Variants in MYO5B observed in about 807,000 individuals in gnomAD.
MYO5B encodes unconventional myosin-Vb.
In MYO5B, 143 loss-of-function variants were observed where a neutral mutation model predicts 229.3. The observed-to-expected ratio is 0.62, with a 90% CI of 0.54 to 0.72. MYO5B has a LOEUF of 0.72. Among genes scored for constraint, MYO5B ranks in the 30% least tolerant of loss-of-function variants. The probability of loss-of-function intolerance (pLI) is 0.00; values close to 1 mark genes in which losing one functional copy is unlikely to be tolerated. For synonymous variants in MYO5B, 918 were observed against 885.2 expected (o/e 1.04, Z -0.66); for missense variants, 2,321 against 2,331.0 (o/e 1.00, Z 0.09).
At chr18:50,078,328 T>C (rs926143345) in intron 1 of MYO5B, among the ~76,000 whole-genome samples, 1 of 152,198 alleles carries the variant, frequency 6.6e-6, no homozygotes, top group African/African-American at 2.4e-5. Context: ...CATTTAGTAT[T>C]ATGACACAGC....
intron 4 of MYO5B, among the ~76,000 whole-genome samples, chr18:50,030,334 C>T (rs2026373775): frequency 6.8e-6 from 1 of 147,868 alleles, no homozygotes; most frequent in Non-Finnish European, 1.5e-5. Flanking sequence ...TCTCATTGCC[C>T]TGAGGAGTCA....
intron 14 of MYO5B, among the ~76,000 whole-genome samples, chr18:49,941,817 G>GC (rs1555645646): frequency 7.5e-6 from 1 of 132,898 alleles, no homozygotes; most frequent in Non-Finnish European, 1.6e-5. Flanking sequence ...CACAGAATTG[G>GC]AAAAAACTAC....
In MYO5B at chr18:50,192,840, A is replaced by G. The variant is rs1429460115; in HGVS notation, c.27+1927T>C. On this transcript the variant is annotated intron_variant, in intron 1 of 39. Transcript: ENST00000285039. ...AGGGACGAACTAAGTGGCTGGTATA[A>G]CTTAAAAAAGTGTCTTGAACTTGAT... Among the ~76,000 whole-genome samples, 6 of 152,254 alleles carry G rather than the reference A, an allele frequency of 3.9e-5. No individual in the cohort carries two copies. In the East Asian group the frequency reaches 1.2e-3, roughly 29 times the overall value.
At chr18:49,980,018 G>A (rs148118196) in intron 9 of MYO5B, among the ~76,000 whole-genome samples, 178 of 152,294 alleles carry the variant, frequency 1.2e-3, no homozygotes, top group Admixed American at 5.0e-3. Context: ...CAGAATCTTG[G>A]CAAGGGTTGC....
rs185314708 is a variant in MYO5B, at chr18:50,151,110, T to C, written c.27+43657A>G. On this transcript the variant is annotated intron_variant, in intron 1 of 39. Coordinates refer to ENST00000285039, the MANE Select transcript of MYO5B (RefSeq NM_001080467.3). Reference sequence around the variant, plus strand: ...GTCAAGCTTCTGGTCCTTCCCTAAATGTGGTGATGAGAGACATTGGCTTCC... The same window carrying C: ...GTCAAGCTTCTGGTCCTTCCCTAAACGTGGTGATGAGAGACATTGGCTTCC... Among the ~76,000 whole-genome samples, 40 of 152,334 alleles carry C rather than the reference T, an allele frequency of 2.6e-4. No homozygotes were observed. In the East Asian group the frequency reaches 7.1e-3, roughly 27 times the overall value.
intron 27 of MYO5B, among the ~76,000 whole-genome samples, chr18:49,866,792 A>G (rs1157556906): frequency 6.6e-6 from 1 of 152,210 alleles, no homozygotes; most frequent in African/African-American, 2.4e-5. Context: ...AGATCATGGC[A>G]CTGCAGCCTG....
At chr18:49,835,650 C>T (rs1343290355) in intron 38 of MYO5B, among the ~76,000 whole-genome samples, 3 of 152,206 alleles carry the variant, frequency 2.0e-5, no homozygotes, top group Admixed American at 2.0e-4. Context: ...CTCATGTCTC[C>T]TGTAAACCCA....
chr18:49,871,927 C>A (rs1394246609), intron 27 of MYO5B, among the ~76,000 whole-genome samples: 1 of 152,172 alleles, frequency 6.6e-6, no homozygotes, highest in Non-Finnish European at 1.5e-5. Flanking sequence ...TTTTTAGTGG[C>A]CATATTTTAA....
intron 17 of MYO5B, among the ~76,000 whole-genome samples, chr18:49,916,652 G>A (rs2025017971): frequency 6.6e-6 from 1 of 152,148 alleles, no homozygotes; most frequent in Admixed American, 6.5e-5. Context: ...CTGTGTGAAG[G>A]CAAACCGTCC....
At chr18:50,077,193 A>AAAAAAAG (rs869130750) in intron 1 of MYO5B, among the ~76,000 whole-genome samples, 2 of 134,642 alleles carry the variant, frequency 1.5e-5, no homozygotes, top group African/African-American at 5.4e-5. Flanking sequence ...AAAAAAAAAA[A>AAAAAAAG]GACAACTTAC....
chr18:49,905,474 A>G (rs16951202), intron 19 of MYO5B, among the ~76,000 whole-genome samples: 3,361 of 152,258 alleles, frequency 0.022, 113 homozygotes, highest in African/African-American at 0.077. Flanking sequence ...TGCCAGGCCT[A>G]TAACAAGTGC....
chr18:49,993,695 G>C (rs754809026), intron 5 of MYO5B, among the ~76,000 whole-genome samples: 10 of 152,102 alleles, frequency 6.6e-5, no homozygotes, highest in Non-Finnish European at 1.5e-4. Flanking sequence ...CATAGCCTTA[G>C]CCTGCAACAT....
At chr18:49,848,600 A>T (rs1172462649) in intron 32 of MYO5B, among the ~76,000 whole-genome samples, 1 of 152,144 alleles carries the variant, frequency 6.6e-6, no homozygotes, top group African/African-American at 2.4e-5. Flanking sequence ...GTGCTGTGAA[A>T]AAACAGGACT....
intron 14 of MYO5B, 65 bp downstream of exon 14, chr18:49,953,195 C>A: frequency 6.7e-7 from 1 of 1,482,910 alleles, no homozygotes; most frequent in Non-Finnish European, 9.4e-7. Context: ...GGTTGCATCA[C>A]CACTCCCTGT....
At chr18:49,910,746 G>C (rs1270193016) in intron 18 of MYO5B, among the ~76,000 whole-genome samples, 3 of 152,116 alleles carry the variant, frequency 2.0e-5, no homozygotes, top group Non-Finnish European at 4.4e-5. Context: ...AATAAAACAT[G>C]ACCTTAGATC....
intron 1 of MYO5B, among the ~76,000 whole-genome samples, chr18:50,152,497 T>A (rs891169316): frequency 6.6e-6 from 1 of 152,174 alleles, no homozygotes; most frequent in East Asian, 1.9e-4. Flanking sequence ...TATTTCAGAA[T>A]TTACCAAAAC....
chr18:49,937,474 A>G lies in MYO5B; in HGVS notation c.1753-77T>C, dbSNP rs560343292. 7 of 1,527,056 alleles carry G rather than the reference A, an allele frequency of 4.6e-6. 1 individual carries two copies. In the East Asian group the frequency reaches 1.4e-4, roughly 30 times the overall value. The allele number at this position is 1,527,056 out of a possible 1,614,324, so 94.6% of individuals were successfully genotyped here. On this transcript the variant is annotated intron_variant, in intron 14 of 39. Transcript: ENST00000285039. Reference sequence around the variant, plus strand: ...ATGTTTCCTCTCAAAGCTGCTTTTCAACATATACCTGAGAACGGAAAACAC... The same window carrying G: ...ATGTTTCCTCTCAAAGCTGCTTTTCGACATATACCTGAGAACGGAAAACAC...
At chr18:49,922,094 C>T (rs2025081596) in intron 17 of MYO5B, among the ~76,000 whole-genome samples, 1 of 152,102 alleles carries the variant, frequency 6.6e-6, no homozygotes, top group Non-Finnish European at 1.5e-5. Context: ...AACTCAGGTC[C>T]CTCTGGTCCT....
intron 14 of MYO5B, among the ~76,000 whole-genome samples, chr18:49,937,665 ACCT>A (rs1325287952): frequency 1.3e-5 from 2 of 152,024 alleles, no homozygotes; most frequent in East Asian, 3.9e-4. Context: ...TAAAGAAATG[ACCT>A]CCTGATCCAT....
Sources: gnomAD v4.1 joint callset for allele counts (sites outside exome capture counted in the v4.1 genomes callset) on GRCh38, gnomAD v4.1.1 for gene constraint, MANE v1.5 for transcripts, NCBI Gene and HGNC (gene_info 2026-07-23, HGNC 2026-07-21) for gene names.